The following TSPAN4 variants were observed in gnomAD, a reference collection of about 807,000 sequenced individuals.
The protein encoded by TSPAN4 is tetraspanin-4.
A neutral mutation model predicts 31.5 loss-of-function variants in TSPAN4; 38 were observed. The observed-to-expected ratio is 1.21, with a 90% CI of 0.93 to 1.58. The LOEUF (loss-of-function observed/expected upper bound fraction) is 1.58, where lower values mean the gene tolerates loss of function less well. Ranked by LOEUF, TSPAN4 falls within the 40% of genes most tolerant of loss-of-function variation. The pLI is 0.00. For missense variants in TSPAN4, 330 were observed against 317.3 expected, an observed-to-expected ratio of 1.04 and a Z score of -0.30; for synonymous variants, 186 against 144.6, an observed-to-expected ratio of 1.29 and a Z score of -2.06.
intron 3 of TSPAN4, among the ~76,000 whole-genome samples, chr11:855,819 G>A (rs971831785): frequency 2.6e-5 from 4 of 152,342 alleles, no homozygotes; most frequent in African/African-American, 9.6e-5. Flanking sequence ...AGGCTGTGCT[G>A]GCTGCTAGCA....
At position 843,850 on chromosome 11, in the gene TSPAN4, C is replaced by T. The variant is rs969212871; in HGVS notation, c.-118+935C>T. The T allele has an allele frequency of 2.0e-5, 3 of 152,752 alleles. No homozygotes were observed. In the Admixed American group the frequency reaches 2.0e-4, roughly 10 times the overall value. The allele number at this position is 152,752 out of a possible 1,614,324, so 9.5% of individuals were successfully genotyped here. On this transcript the variant is annotated intron_variant, in intron 1 of 8. Coordinates refer to ENST00000397397, the MANE Select transcript of TSPAN4 (RefSeq NM_003271.5). ...GTTGGGTTCCAGGCATCAGCTGCCG[C>T]TTTCTCAGGGCAATGCTGCGTCTGC...
chr11:865,904 A>G lies in TSPAN4; in HGVS notation c.565-14A>G, dbSNP rs911417133. ...CAGGCCCTGCCGTGACACGCATGAC[A>G]TCCCTCCCTGCAGCCGTGCTACGAG... On this transcript the variant is annotated splice_polypyrimidine_tract_variant and intron_variant, in intron 7 of 8. Coordinates refer to ENST00000397397, the MANE Select transcript of TSPAN4 (RefSeq NM_003271.5). The G allele has an allele frequency of 1.2e-6, 2 of 1,612,990 alleles. No individual in the cohort carries two copies. The highest frequency in any genetic ancestry group is 1.7e-6 in the Non-Finnish European group (2 of 1,179,942).
Position 862,728 on chromosome 11 carries a change from G to A in TSPAN4, c.242G>A (p.Cys81Tyr). The A allele has an allele frequency of 6.2e-7, 1 of 1,611,842 alleles. No individual in the cohort carries two copies. The highest frequency in any genetic ancestry group is 1.1e-5 in the South Asian group (1 of 90,918). Residue 81 changes from cysteine to tyrosine, a missense_variant, in exon 4 of 9, where the codon TGC (cysteine) becomes TAC (tyrosine). Physicochemically the swap from Cys to Tyr is radical, Grantham distance 194. Coordinates refer to ENST00000397397, the MANE Select transcript of TSPAN4 (RefSeq NM_003271.5). Reference sequence around the variant, plus strand: ...CTGGGTGCCATCAAGGAGAACAAGTGCCTCCTGCTCACTGTGAGTGCCGGG... The same window carrying A: ...CTGGGTGCCATCAAGGAGAACAAGTACCTCCTGCTCACTGTGAGTGCCGGG... The part of the protein sequence containing the change: ...GCLGAIKENK[C>Y]LLLTFFLLLL...
intron 8 of TSPAN4, among the ~76,000 whole-genome samples, chr11:866,347 C>T (rs1393152878): frequency 6.6e-6 from 1 of 151,974 alleles, no homozygotes; most frequent in Non-Finnish European, 1.5e-5. Flanking sequence ...TGGGTGTCCT[C>T]ATGCCTGCAA....
At chr11:864,279 TG>T in intron 4 of TSPAN4, 157 bp from the exon 5 acceptor site, 2 of 792,914 alleles carry the variant, frequency 2.5e-6, no homozygotes, top group Non-Finnish European at 4.1e-6. Context: ...GGTTCTGAGG[TG>T]GGGGCGGCGT....
chr11:851,505 T>C (rs1280301940), intron 3 of TSPAN4, among the ~76,000 whole-genome samples: 3 of 152,134 alleles, frequency 2.0e-5, no homozygotes, highest in Non-Finnish European at 4.4e-5. Flanking sequence ...TCTAGCCAGC[T>C]TGGGGTGGAG....
At chr11:856,156 C>A (rs143566934) in intron 3 of TSPAN4, among the ~76,000 whole-genome samples, 1 of 152,310 alleles carries the variant, frequency 6.6e-6, no homozygotes, top group African/African-American at 2.4e-5. Flanking sequence ...CACCTGCACA[C>A]GCCCAGCGCT....
intron 3 of TSPAN4, among the ~76,000 whole-genome samples, chr11:862,108 C>T (rs982883981): frequency 2.0e-5 from 3 of 152,186 alleles, no homozygotes; most frequent in Admixed American, 1.3e-4. Context: ...GGCTGGGTCT[C>T]CCTGACAGCA....
chr11:856,812 C>T (rs1169299940), intron 3 of TSPAN4: 2 of 152,286 alleles, frequency 1.3e-5, no homozygotes, highest in African/African-American at 2.4e-5. Context: ...GGCCCATTTT[C>T]TCTTGCGCTT....
At position 865,915 on chromosome 11, in the gene TSPAN4, C is replaced by T. The variant is rs1392688821; in HGVS notation, c.565-3C>T. 1.2e-6 allele frequency: 2 copies of T among 1,613,076 alleles called. No homozygotes were observed. The highest frequency in any genetic ancestry group is 1.7e-5 in the Admixed American group (1 of 60,006). On this transcript the variant is annotated splice_region_variant and splice_polypyrimidine_tract_variant and intron_variant, in intron 7 of 8. Coordinates refer to ENST00000397397, the MANE Select transcript of TSPAN4 (RefSeq NM_003271.5). ...GTGACACGCATGACATCCCTCCCTG[C>T]AGCCGTGCTACGAGACGGTGAAGGT... is the stretch of plus-strand genomic sequence containing the variant.
chr11:863,145 G>A (rs1406719038), intron 4 of TSPAN4: 2 of 165,754 alleles, frequency 1.2e-5, no homozygotes, highest in Admixed American at 1.3e-4. Flanking sequence ...TCTTGTTGGG[G>A]GCCTGGTCTC....
intron 3 of TSPAN4, among the ~76,000 whole-genome samples, chr11:854,268 TTGG>T (rs930727137): frequency 3.9e-4 from 60 of 152,164 alleles, no homozygotes; most frequent in African/African-American, 1.3e-3. Flanking sequence ...CACCAGGAGC[TTGG>T]TGGAAGCTCC....
At chr11:849,921 A>AGAGCGG (rs1847559549) in intron 2 of TSPAN4, 2 of 149,136 alleles carry the variant, frequency 1.3e-5, no homozygotes, top group African/African-American at 4.9e-5. Flanking sequence ...CGCGGGGGCC[A>AGAGCGG]GAGCGGGAGC....
At chr11:855,706 A>G (rs1848006311) in intron 3 of TSPAN4, among the ~76,000 whole-genome samples, 1 of 152,200 alleles carries the variant, frequency 6.6e-6, no homozygotes, top group South Asian at 2.1e-4. Context: ...TAAGGAAACA[A>G]ATCACAGCGA....
intron 5 of TSPAN4, 126 bp from the exon 6 acceptor site, chr11:865,387 C>G: frequency 1.4e-6 from 1 of 713,546 alleles, no homozygotes; most frequent in East Asian, 2.7e-5. Context: ...GCTTGGTGGG[C>G]TAGGAGGCGC....
intron 1 of TSPAN4, among the ~76,000 whole-genome samples, chr11:844,785 T>A (rs1847208677): frequency 6.6e-6 from 1 of 150,796 alleles, no homozygotes; most frequent in Non-Finnish European, 1.5e-5. Context: ...CCTCCTGTGG[T>A]CAGGGCAGGG....
At chr11:849,977 C>T (rs1486882542) in intron 2 of TSPAN4, 6 of 161,202 alleles carry the variant, frequency 3.7e-5, no homozygotes, top group Non-Finnish European at 6.7e-5. Flanking sequence ...TGGGGCGTTC[C>T]GGGGCGGCGG....
rs1188859724 is a variant in TSPAN4 at position 848,215 on chromosome 11, C to CA, written c.-18+916dup. Among the ~76,000 whole-genome samples the CA allele has an allele frequency of 6.6e-6, 1 of 152,052 alleles. No individual in the cohort carries two copies. Among genetic ancestry groups the CA allele is most frequent in the East Asian group, 1.9e-4 (1 of 5,168 alleles). ...AGGGTTTCTGTCAGGGTTGGGGTCC[C>CA]AGGGCTCCTGGGGTCTCTGCTGGGC... On this transcript the variant is annotated intron_variant, in intron 2 of 8. Coordinates refer to ENST00000397397, the MANE Select transcript of TSPAN4 (RefSeq NM_003271.5). The surrounding 1 kb of genome is among the most constrained non-coding windows in gnomAD (Gnocchi z 5.7).
At chr11:865,404 C>A in intron 5 of TSPAN4, 109 bp from the exon 6 acceptor site, 1 of 838,342 alleles carries the variant, frequency 1.2e-6, no homozygotes, top group Non-Finnish European at 1.9e-6. Context: ...GCGCGGGGGA[C>A]ACAAGACCAG....
Sources: allele counts gnomAD v4.1 joint callset (sites outside exome capture counted in the v4.1 genomes callset), GRCh38; gene constraint gnomAD v4.1.1; non-coding constraint Gnocchi (gnomAD v3.1); transcripts MANE v1.5; gene names NCBI Gene and HGNC (gene_info 2026-07-23, HGNC 2026-07-21).